The following SETD3 variants were observed in gnomAD, a reference collection of about 807,000 sequenced individuals.
The protein encoded by SETD3 is SET domain containing 3, actin N3(tau)-histidine methyltransferase, also known as actin-histidine N-methyltransferase.
SETD3 carries 19 observed loss-of-function variants against 63.0 expected under a neutral mutation model. That is an observed-to-expected ratio of 0.30 (90% CI 0.21 to 0.44). SETD3 has a LOEUF of 0.44. Ranked by LOEUF, SETD3 falls within the 20% of genes least tolerant of loss-of-function variation. The probability of loss-of-function intolerance (pLI) is 1.00; values close to 1 mark genes in which losing one functional copy is unlikely to be tolerated. For synonymous variants in SETD3, 286 were observed against 264.1 expected, an observed-to-expected ratio of 1.08 and a Z score of -0.80; for missense variants, 587 against 728.5, an observed-to-expected ratio of 0.81 and a Z score of 2.24.
In SETD3 at chr14:99,461,271, T is replaced by C. The variant is rs747583437; in HGVS notation, c.266A>G (p.Asn89Ser). The C allele has an allele frequency of 5.0e-6, 8 of 1,614,100 alleles. No homozygotes were observed. The highest frequency in any genetic ancestry group is 2.2e-5 in the East Asian group (1 of 44,906). ...TTCAAAACCCTCGACAGAAGCCCCA[T>C]TTTCAGAGGCCCATTTCATTAGATC... The part of the protein sequence containing the change: ...FPDLMKWASE[N>S]GASVEGFEMV... The change falls in exon 4 of 13, where the codon AAT (asparagine) becomes AGT (serine). Residue 89 changes from asparagine to serine, a missense_variant. Transcript: ENST00000331768.
chr14:99,461,196 A>T lies in SETD3; in HGVS notation c.341T>A (p.Ile114Asn). 1 of 1,613,806 alleles carries T rather than the reference A, an allele frequency of 6.2e-7. No homozygotes were observed. The highest frequency in any genetic ancestry group is 8.5e-7 in the Non-Finnish European group (1 of 1,179,928). The change falls in exon 4 of 13, where the codon ATC becomes AAC. Residue 114 changes from isoleucine (I) to asparagine (N), a missense_variant. Transcript: ENST00000331768. ...EGFGLRATRD[I>N]KAEELFLWVP... The stretch of plus-strand genomic sequence containing the variant: ...ACCAACATTTTATAAACTCACCTTG[A>T]TATCTCTTGTTGCTCTCAAACCAAA...
chr14:99,481,327 T>A, upstream of SETD3: 1 of 396,870 alleles, frequency 2.5e-6, no homozygotes, highest in Non-Finnish European at 4.4e-6. Flanking sequence ...TTTCTTCCCA[T>A]TGGTTGACAG....
At chr14:99,485,191 T>C (rs1248742739), upstream of SETD3, among the ~76,000 whole-genome samples, 1 of 152,246 alleles carries the variant, frequency 6.6e-6, no homozygotes, top group Non-Finnish European at 1.5e-5. Flanking sequence ...CCTTGGAACC[T>C]AAAGGGACCA....
chr14:99,470,833 G>A (rs1031697981), intron 1 of SETD3, among the ~76,000 whole-genome samples: 2 of 152,138 alleles, frequency 1.3e-5, no homozygotes, highest in African/African-American at 2.4e-5. Context: ...GAAGGCAGAC[G>A]CCCTATATGT....
rs1896010969 is a variant in SETD3 at position 99,477,098 on chromosome 14, T to C, written c.-9+3630A>G. ...TAATCAGTAGATCCCTTTCAAAATC[T>C]TAACTTCAAAGATAGATGTGTCTTT... On this transcript the variant is annotated intron_variant, in intron 1 of 12. Coordinates refer to ENST00000331768, the MANE Select transcript of SETD3 (RefSeq NM_032233.3). Among the ~76,000 whole-genome samples, 4 of 152,346 alleles carry C rather than the reference T, an allele frequency of 2.6e-5. No homozygotes were observed. In the South Asian group the frequency reaches 8.3e-4, roughly 32 times the overall value.
chr14:99,481,450 C>G (rs1292700507), upstream of SETD3: 2 of 398,624 alleles, frequency 5.0e-6, no homozygotes, highest in Non-Finnish European at 8.8e-6. Context: ...CAAGGAGAGA[C>G]GTCGCTGAGG....
chr14:99,453,545 C>T (rs1192737786), intron 6 of SETD3, among the ~76,000 whole-genome samples: 1 of 152,106 alleles, frequency 6.6e-6, no homozygotes, highest in Non-Finnish European at 1.5e-5. Context: ...TAATGATTGG[C>T]CAGGCGCGGT....
At chr14:99,443,256 T>A (rs8010369) in intron 6 of SETD3, among the ~76,000 whole-genome samples, 3,275 of 105,710 alleles carry the variant, frequency 0.031, 58 homozygotes, top group Admixed American at 0.042. Context: ...TGAACTCCCA[T>A]TTTTTTTTTT....
At chr14:99,477,255 C>T (rs1200380196) in intron 1 of SETD3, among the ~76,000 whole-genome samples, 1 of 152,096 alleles carries the variant, frequency 6.6e-6, no homozygotes, top group Non-Finnish European at 1.5e-5. Flanking sequence ...CAGTTTTCTT[C>T]CATTCAAATT....
intron 6 of SETD3, among the ~76,000 whole-genome samples, chr14:99,456,001 G>A (rs1317988145): frequency 1.3e-5 from 2 of 152,084 alleles, no homozygotes; most frequent in African/African-American, 2.4e-5. Flanking sequence ...CAAAAAATAC[G>A]AAAAATTAGC....
chr14:99,421,296 T>C (rs1892584601), intron 6 of SETD3, among the ~76,000 whole-genome samples: 1 of 152,150 alleles, frequency 6.6e-6, no homozygotes, highest in Non-Finnish European at 1.5e-5. Flanking sequence ...GCTAGAATTA[T>C]GTATTATCAC....
At chr14:99,448,466 T>G (rs1894263816) in intron 6 of SETD3, among the ~76,000 whole-genome samples, 1 of 152,190 alleles carries the variant, frequency 6.6e-6, no homozygotes, top group African/African-American at 2.4e-5. Flanking sequence ...CTGTGAAGAA[T>G]GCTGCTTACC....
At chr14:99,435,079 G>T (rs1362158429) in intron 6 of SETD3, among the ~76,000 whole-genome samples, 1 of 151,704 alleles carries the variant, frequency 6.6e-6, no homozygotes, top group East Asian at 1.9e-4. Context: ...GTAGTCAAAG[G>T]CCTATTCGTT....
intron 8 of SETD3, among the ~76,000 whole-genome samples, chr14:99,410,941 G>C (rs556027293): frequency 3.9e-5 from 6 of 152,256 alleles, no homozygotes; most frequent in African/African-American, 1.4e-4. Flanking sequence ...CGTCAGGATA[G>C]ACACACACAA....
intron 1 of SETD3, among the ~76,000 whole-genome samples, chr14:99,475,146 C>T (rs1379698634): frequency 5.3e-5 from 8 of 152,102 alleles, no homozygotes; most frequent in African/African-American, 1.2e-4. Context: ...AGCTGTAATC[C>T]GTCAAGAAAT....
At chr14:99,481,390 CG>C (rs1236462500), upstream of SETD3, 1 of 398,626 alleles carries the variant, frequency 2.5e-6, no homozygotes, top group Non-Finnish European at 4.4e-6. Context: ...CAGGACGCAG[CG>C]TGATGACGTA....
intron 1 of SETD3, among the ~76,000 whole-genome samples, chr14:99,467,841 T>G (rs1895478177): frequency 6.6e-6 from 1 of 152,180 alleles, no homozygotes; most frequent in Non-Finnish European, 1.5e-5. Context: ...CAGGCTCTAT[T>G]CGCTCTGCCT....
At position 99,461,252 on chromosome 14, in the gene SETD3, A is replaced by C; in HGVS notation, c.285T>G (p.Gly95=). The change falls in exon 4 of 13, where the codon GGT becomes GGG. Residue 95 remains glycine (G), a synonymous_variant. Coordinates refer to ENST00000331768, the MANE Select transcript of SETD3 (RefSeq NM_032233.3). ...WASENGASVE[G]FEMVNFKEEG... ...CTTCTTTGAAGTTAACCATTTCAAA[A>C]CCCTCGACAGAAGCCCCATTTTCAG... 6.2e-7 allele frequency: 1 copy of C among 1,614,132 alleles called. No homozygotes were observed. Among genetic ancestry groups the C allele is most frequent in the Non-Finnish European group, 8.5e-7 (1 of 1,180,036 alleles).
At chr14:99,410,390 C>A in intron 8 of SETD3, 1 of 836,566 alleles carries the variant, frequency 1.2e-6, no homozygotes, top group Non-Finnish European at 1.8e-6. Flanking sequence ...CAGAAGGACC[C>A]TGAAAAAGAA....
Sources: allele counts gnomAD v4.1 joint callset (sites outside exome capture counted in the v4.1 genomes callset), GRCh38; gene constraint gnomAD v4.1.1; transcripts MANE v1.5; gene names NCBI Gene and HGNC (gene_info 2026-07-23, HGNC 2026-07-21).